Variants in RYR2 observed in about 807,000 individuals in gnomAD.
RYR2 encodes cardiac muscle ryanodine receptor-calcium release channel.
A neutral mutation model predicts 601.1 loss-of-function variants in RYR2; 227 were observed. That is an observed-to-expected ratio of 0.38 (90% CI 0.34 to 0.42). RYR2 has a LOEUF of 0.42. Ranked by LOEUF, RYR2 falls within the 10% of genes least tolerant of loss-of-function variation. The pLI, the probability that RYR2 is intolerant of heterozygous loss-of-function variation, is 1.00. For missense variants in RYR2, 4,646 were observed against 6,156.5 expected, an observed-to-expected ratio of 0.75 and a Z score of 8.21; for synonymous variants, 2,223 against 2,175.1, an observed-to-expected ratio of 1.02 and a Z score of -0.61.
At chr1:237,162,208 G>T (rs1379378073) in intron 1 of RYR2, among the ~76,000 whole-genome samples, 1 of 152,156 alleles carries the variant, frequency 6.6e-6, no homozygotes, top group Admixed American at 6.5e-5. Flanking sequence ...CTTCCTCTGG[G>T]GAGGAGAAGT....
intron 8 of RYR2, among the ~76,000 whole-genome samples, chr1:237,382,983 T>A (rs1178670051): frequency 6.6e-6 from 1 of 151,912 alleles, no homozygotes; most frequent in Non-Finnish European, 1.5e-5. Context: ...GTGTTTCCTG[T>A]CCTTAAATGA....
chr1:237,068,609 C>T (rs1663937372), intron 1 of RYR2, among the ~76,000 whole-genome samples: 1 of 152,134 alleles, frequency 6.6e-6, no homozygotes, highest in African/African-American at 2.4e-5. Context: ...CTCATCTACC[C>T]TGTATTATTC....
At chr1:237,440,653 T>C (rs1208003270) in intron 12 of RYR2, among the ~76,000 whole-genome samples, 1 of 152,196 alleles carries the variant, frequency 6.6e-6, no homozygotes, top group East Asian at 1.9e-4. Context: ...TAGTCTGAGT[T>C]GGAAATTGCA....
intron 1 of RYR2, among the ~76,000 whole-genome samples, chr1:237,086,747 T>C (rs1666379986): frequency 6.6e-6 from 1 of 152,024 alleles, no homozygotes; most frequent in African/African-American, 2.4e-5. Flanking sequence ...ATGCTGGAAG[T>C]GTTTGGGCTT....
At chr1:237,122,409 T>C (rs1670891056) in intron 1 of RYR2, among the ~76,000 whole-genome samples, 1 of 152,226 alleles carries the variant, frequency 6.6e-6, no homozygotes, top group Non-Finnish European at 1.5e-5. Flanking sequence ...TGGCCAGCCA[T>C]GGTGGCTCAT....
intron 24 of RYR2, among the ~76,000 whole-genome samples, chr1:237,521,639 G>T (rs144001325): frequency 0.01 from 1,569 of 152,016 alleles, 21 homozygotes; most frequent in African/African-American, 0.03. Flanking sequence ...AGAATTGCTT[G>T]AACCCAGGAG....
intron 1 of RYR2, among the ~76,000 whole-genome samples, chr1:237,118,281 C>T (rs1670361943): frequency 6.6e-6 from 1 of 151,732 alleles, no homozygotes; most frequent in Non-Finnish European, 1.5e-5. Context: ...AATGATAGTT[C>T]TTCCCACTCA....
intron 1 of RYR2, among the ~76,000 whole-genome samples, chr1:237,257,785 G>A (rs994810060): frequency 1.3e-5 from 2 of 151,988 alleles, no homozygotes; most frequent in Admixed American, 6.6e-5. Flanking sequence ...GAGAGGAGAG[G>A]GCTAATAAGG....
intron 29 of RYR2, among the ~76,000 whole-genome samples, chr1:237,574,545 GAC>G (rs1012313506): frequency 5.9e-5 from 9 of 152,182 alleles, no homozygotes; most frequent in Admixed American, 4.6e-4. Context: ...AGGTGGGCCT[GAC>G]CCAACCAGAT....
chr1:237,574,449 A>G (rs1460313660), intron 29 of RYR2, among the ~76,000 whole-genome samples: 7 of 152,168 alleles, frequency 4.6e-5, no homozygotes, highest in African/African-American at 1.4e-4. Flanking sequence ...CTTGAGTGTC[A>G]GCAGAACTTG....
At chr1:237,458,561 T>C (rs1659107450) in intron 16 of RYR2, among the ~76,000 whole-genome samples, 2 of 152,204 alleles carry the variant, frequency 1.3e-5, no homozygotes, top group South Asian at 2.1e-4. Context: ...TCTTATTTAG[T>C]TATAAGTGTG....
At chr1:237,276,204 A>G (rs1690272618) in intron 2 of RYR2, among the ~76,000 whole-genome samples, 1 of 152,148 alleles carries the variant, frequency 6.6e-6, no homozygotes, top group Admixed American at 6.5e-5. Context: ...CATTCAAGCA[A>G]TTCTCCTTTC....
At chr1:237,131,998 A>G (rs779718863) in intron 1 of RYR2, among the ~76,000 whole-genome samples, 5 of 152,226 alleles carry the variant, frequency 3.3e-5, no homozygotes, top group Non-Finnish European at 7.3e-5. Context: ...TGCTAGGATT[A>G]TAAGCATGAG....
intron 54 of RYR2, among the ~76,000 whole-genome samples, chr1:237,659,690 A>G (rs552385562): frequency 2.0e-5 from 3 of 152,314 alleles, no homozygotes; most frequent in African/African-American, 7.2e-5. Flanking sequence ...AAGGAAGATC[A>G]AGTGCTTCTA....
At position 237,793,929 on chromosome 1, in the gene RYR2, T is replaced by A; in HGVS notation, c.13845T>A (p.Leu4615=). The A allele has an allele frequency of 6.2e-7, 1 of 1,611,964 alleles. No homozygotes were observed. ...EVARKLEFDG[L]YITEQPSEDD... is the part of the protein sequence containing the mutation. ...CACGGAAATTGGAATTTGATGGGCT[T>A]TATATTACAGAACAGCCTTCAGAAG... Residue 4615 remains leucine (L), a synonymous_variant, in exon 95 of 105, where the codon CTT becomes CTA. Transcript: ENST00000366574.
At chr1:237,596,396 T>C (rs1467680789) in intron 34 of RYR2, among the ~76,000 whole-genome samples, 1 of 151,994 alleles carries the variant, frequency 6.6e-6, no homozygotes, top group Non-Finnish European at 1.5e-5. Flanking sequence ...AAGAATTCAA[T>C]AAATGAAATA....
chr1:237,388,092 C>G lies in RYR2; in HGVS notation c.682C>G (p.Leu228Val), dbSNP rs1421531475. Residue 228 changes from leucine to valine, a missense_variant, in exon 10 of 105, where the codon CTC becomes GTC. Leu to Val is a conservative substitution (Grantham distance 32, BLOSUM62 1). Coordinates refer to ENST00000366574, the MANE Select transcript of RYR2 (RefSeq NM_001035.3). ...SSGSEAAQGY[L>V]IGGDVLRLLH... ...ATGATTTTTTATCCTTACAGGGTATCTCATTGGTGGTGATGTCCTCAGGTT... is the reference window on the plus strand; with the variant it reads ...ATGATTTTTTATCCTTACAGGGTATGTCATTGGTGGTGATGTCCTCAGGTT... 1.2e-6 allele frequency: 2 copies of G among 1,613,502 alleles called. No homozygotes were observed. The highest frequency in any genetic ancestry group is 2.7e-5 in the African/African-American group (2 of 74,942).
At chr1:237,360,780 T>A (rs909754629) in intron 4 of RYR2, among the ~76,000 whole-genome samples, 1 of 152,344 alleles carries the variant, frequency 6.6e-6, no homozygotes, top group South Asian at 2.1e-4. Flanking sequence ...CAAGCCTCTT[T>A]CAGATGATTT....
At chr1:237,189,251 C>T (rs193279056) in intron 1 of RYR2, among the ~76,000 whole-genome samples, 107 of 152,232 alleles carry the variant, frequency 7.0e-4, no homozygotes, top group African/African-American at 2.5e-3. Flanking sequence ...CATAATGTCA[C>T]GTTGTGTATA....
Sources: gnomAD v4.1 joint callset for allele counts (sites outside exome capture counted in the v4.1 genomes callset) on GRCh38, gnomAD v4.1.1 for gene constraint, MANE v1.5 for transcripts, NCBI Gene and HGNC (gene_info 2026-07-23, HGNC 2026-07-21) for gene names.